EARS2: variants seen among roughly 807,000 people sequenced by gnomAD.
The protein encoded by EARS2 is nondiscriminating glutamyl-tRNA synthetase EARS2, mitochondrial.
A neutral mutation model predicts 54.1 loss-of-function variants in EARS2; 50 were observed. The observed-to-expected ratio is 0.92, with a 90% CI of 0.74 to 1.17. EARS2 has a LOEUF of 1.17. EARS2 is among the 50% of genes most tolerant of loss of function. The pLI is 0.00. For missense variants in EARS2, 673 were observed against 675.0 expected, an observed-to-expected ratio of 1.00 and a Z score of 0.03; for synonymous variants, 298 against 281.0, an observed-to-expected ratio of 1.06 and a Z score of -0.61.
At chr16:23,536,397 G>T (rs1364605091) in intron 3 of EARS2, among the ~76,000 whole-genome samples, 3 of 152,134 alleles carry the variant, frequency 2.0e-5, no homozygotes, top group African/African-American at 7.2e-5. Context: ...CTGACCTCAA[G>T]GGTTCAAGAC....
At chr16:23,549,048 G>C (rs1479017013) in intron 2 of EARS2, among the ~76,000 whole-genome samples, 1 of 152,132 alleles carries the variant, frequency 6.6e-6, no homozygotes, top group Non-Finnish European at 1.5e-5. Flanking sequence ...CTTGGTTGCA[G>C]GACAAGAACC....
At chr16:23,555,719 C>T (rs1448816289) in intron 1 of EARS2, among the ~76,000 whole-genome samples, 2 of 152,218 alleles carry the variant, frequency 1.3e-5, no homozygotes, top group African/African-American at 4.8e-5. Flanking sequence ...GATGGAGTCT[C>T]ACTCTGTCAC....
In EARS2 at chr16:23,529,769, A is replaced by G. The variant is rs1482659594; in HGVS notation, c.1196T>C (p.Val399Ala). The change falls in exon 6 of 9, where the codon GTG becomes GCG. Residue 399 changes from valine (V) to alanine (A), a missense_variant. Coordinates refer to ENST00000449606, the MANE Select transcript of EARS2 (RefSeq NM_001083614.2). Reference protein sequence around the residue: ...QNRDVLNPVYVERILLLRQGH... With the variant: ...QNRDVLNPVYAERILLLRQGH... ...CTGTCTCAGCAGGAGGATCCTCTCC[A>G]CGTAGACTGGGTTGAGGACATCCCT... 1 of 1,614,168 alleles carries G rather than the reference A, an allele frequency of 6.2e-7. No individual in the cohort carries two copies. The highest frequency in any genetic ancestry group is 2.2e-5 in the East Asian group (1 of 44,876).
chr16:23,547,080 A>G (rs1394330413), intron 2 of EARS2, among the ~76,000 whole-genome samples: 1 of 152,256 alleles, frequency 6.6e-6, no homozygotes, highest in Non-Finnish European at 1.5e-5. Context: ...AAATGTTCAT[A>G]GAGTTTTATT....
In EARS2 at chr16:23,544,581, AGG is replaced by A; in HGVS notation, c.416_417del (p.Pro139LeufsTer25). 6.2e-7 allele frequency: 1 copy of A among 1,614,012 alleles called. No homozygotes were observed. On this transcript the variant is annotated frameshift_variant, in exon 3 of 9. Transcript: ENST00000449606. LOFTEE classifies it high-confidence loss of function. ...TCCAGCCGCTGGGGTGAGCAGAAAC[AGG>A]GGTAAGCAGCTCCGGTCTTCAGCAG... is the stretch of plus-strand genomic sequence containing the variant. ...EALLKTGAAYPCFCSPQRLEL... is the reference protein window; with the variant it reads ...EALLKTGAAYXCFCSPQRLEL...
chr16:23,524,223 T>C lies in EARS2; in HGVS notation c.*148A>G, dbSNP rs1456844637. ...AAACGTGCCTGTGGTGGATCACAAA[T>C]GCACTTGTGTGCAGTCAGAGATTGT... On this transcript the variant is annotated 3_prime_UTR_variant, in exon 9 of 9. Coordinates refer to ENST00000449606, the MANE Select transcript of EARS2 (RefSeq NM_001083614.2). 22 of 726,090 alleles carry C rather than the reference T, an allele frequency of 3.0e-5. No homozygotes were observed. The highest frequency in any genetic ancestry group is 4.4e-5 in the Non-Finnish European group (18 of 412,052). The allele number at this position is 726,090 out of a possible 1,614,324, so 45.0% of individuals were successfully genotyped here.
intron 7 of EARS2, among the ~76,000 whole-genome samples, chr16:23,527,222 TCCC>T (rs1193911840): frequency 6.6e-6 from 1 of 152,058 alleles, no homozygotes; most frequent in East Asian, 1.9e-4. Context: ...CCATTCACCC[TCCC>T]AGAATACTGG....
chr16:23,536,043 C>T (rs1965412259), intron 3 of EARS2, among the ~76,000 whole-genome samples: 1 of 152,110 alleles, frequency 6.6e-6, no homozygotes, highest in African/African-American at 2.4e-5. Context: ...TGATTGATGC[C>T]CTGGCTACTG....
chr16:23,535,486 T>C (rs1965402868), intron 3 of EARS2, 126 bp from the exon 4 acceptor site: 4 of 793,682 alleles, frequency 5.0e-6, no homozygotes, highest in South Asian at 1.7e-5. Context: ...CCTCAGTCTA[T>C]AACAGGGATG....
chr16:23,547,110 T>C (rs1567388370), intron 2 of EARS2, among the ~76,000 whole-genome samples: 1 of 152,242 alleles, frequency 6.6e-6, no homozygotes, highest in East Asian at 1.9e-4. Context: ...AAAACCAGAG[T>C]AACTAAAATG....
intron 1 of EARS2, among the ~76,000 whole-genome samples, chr16:23,555,137 A>G (rs1965755134): frequency 6.6e-6 from 1 of 152,188 alleles, no homozygotes; most frequent in African/African-American, 2.4e-5. Context: ...GACAGATATT[A>G]TTATTAGCCC....
intron 2 of EARS2, among the ~76,000 whole-genome samples, chr16:23,546,055 G>A (rs1398485892): frequency 6.6e-6 from 1 of 152,154 alleles, no homozygotes; most frequent in Admixed American, 6.5e-5. Flanking sequence ...CTGTGCAGAG[G>A]GAATTGTGAG....
chr16:23,543,967 C>T (rs1256623274), intron 3 of EARS2, among the ~76,000 whole-genome samples: 1 of 152,124 alleles, frequency 6.6e-6, no homozygotes, highest in African/African-American at 2.4e-5. Flanking sequence ...TTGGGTCCCA[C>T]CCCCAAGATA....
chr16:23,531,637 T>A (rs369216429), intron 5 of EARS2, among the ~76,000 whole-genome samples: 4 of 152,276 alleles, frequency 2.6e-5, no homozygotes, highest in African/African-American at 9.6e-5. Context: ...ACAACTGACC[T>A]CATAGGTCTG....
intron 1 of EARS2, chr16:23,556,870 C>T: frequency 7.0e-6 from 4 of 568,570 alleles, no homozygotes; most frequent in South Asian, 4.6e-5. Flanking sequence ...ATGCAGACTT[C>T]CACAGAGCAA....
chr16:23,550,300 G>C (rs767120797), intron 2 of EARS2, among the ~76,000 whole-genome samples: 14 of 151,530 alleles, frequency 9.2e-5, no homozygotes, highest in Admixed American at 3.3e-4. Flanking sequence ...TCAGGAATTT[G>C]AGATTACAGT....
At position 23,544,702 on chromosome 16, in the gene EARS2, G is replaced by A. The variant is rs1381475353; in HGVS notation, c.297C>T (p.Gly99=). ...GGCGGGGGCTCTCATCAGGCGGGAT[G>A]CCTGGAACACAGGGAATAATGACAG... ...ENIEDMLEWA[G]IPPDESPRRG... is the part of the protein sequence containing the mutation. Residue 99 remains glycine (G), a splice_region_variant and synonymous_variant, in exon 3 of 9, where the codon GGC becomes GGT. Coordinates refer to ENST00000449606, the MANE Select transcript of EARS2 (RefSeq NM_001083614.2). 2 of 1,597,994 alleles carry A rather than the reference G, an allele frequency of 1.3e-6. No individual in the cohort carries two copies. The highest frequency in any genetic ancestry group is 1.7e-5 in the Admixed American group (1 of 57,298).
chr16:23,528,281 G>C (rs1965264367), intron 7 of EARS2, among the ~76,000 whole-genome samples: 1 of 152,198 alleles, frequency 6.6e-6, no homozygotes, highest in Non-Finnish European at 1.5e-5. Flanking sequence ...ACAAAAATCA[G>C]GAGATGAAAT....
chr16:23,524,245 T>C lies in EARS2; in HGVS notation c.*126A>G. On this transcript the variant is annotated 3_prime_UTR_variant, in exon 9 of 9. Transcript: ENST00000449606. ...AAATGCACTTGTGTGCAGTCAGAGA[T>C]TGTTTCCACTCTTAGTTCCTTCAGC... The C allele has an allele frequency of 1.3e-6, 1 of 791,992 alleles. No individual in the cohort carries two copies. Among genetic ancestry groups the C allele is most frequent in the Non-Finnish European group, 2.2e-6 (1 of 458,578 alleles). The allele number at this position is 791,992 out of a possible 1,614,324, so 49.1% of individuals were successfully genotyped here. A position where few individuals can be genotyped will look rare whatever the true frequency, so the allele number is the denominator to read the frequency against.
Sources: allele counts gnomAD v4.1 joint callset (sites outside exome capture counted in the v4.1 genomes callset), GRCh38; gene constraint gnomAD v4.1.1; transcripts MANE v1.5; gene names NCBI Gene and HGNC (gene_info 2026-07-23, HGNC 2026-07-21).